The following AGK variants were observed in gnomAD, a reference collection of about 807,000 sequenced individuals.
AGK encodes the protein acylglycerol kinase, also known as acylglycerol kinase, mitochondrial.
In AGK, 52 loss-of-function variants were observed where a neutral mutation model predicts 66.4. That is an observed-to-expected ratio of 0.78 (90% CI 0.63 to 0.99). AGK has a LOEUF of 0.99. AGK is among the 50% of genes least tolerant of loss of function. The probability of loss-of-function intolerance (pLI) is 0.00; values close to 1 mark genes in which losing one functional copy is unlikely to be tolerated. For synonymous variants in AGK, 182 were observed against 181.1 expected (o/e 1.00, Z -0.04); for missense variants, 451 against 506.6 (o/e 0.89, Z 1.05).
chr7:141,633,162 G>C (rs1797094846), intron 9 of AGK, among the ~76,000 whole-genome samples: 1 of 152,162 alleles, frequency 6.6e-6, no homozygotes, highest in Non-Finnish European at 1.5e-5. Flanking sequence ...GGGGCACTGG[G>C]TGCCTGTCAG....
rs1212495150 is a variant in AGK at position 141,652,917 on chromosome 7, C to T, written c.1262C>T (p.Thr421Ile). Residue 421 changes from threonine (T) to isoleucine (I), a missense_variant, in exon 16 of 16, where the codon ACC (threonine) becomes ATC (isoleucine). Coordinates refer to ENST00000649286, the MANE Select transcript of AGK (RefSeq NM_018238.4). ...AGAGAACAGATGCTCACAAGCCCCA[C>T]CCAGTGAGCAGCAGAAGACAAGCAC... is the stretch of plus-strand genomic sequence containing the variant. ...RKREQMLTSP[T>I]Q The T allele has an allele frequency of 6.2e-7, 1 of 1,613,938 alleles. No homozygotes were observed. Among genetic ancestry groups the T allele is most frequent in the Admixed American group, 1.7e-5 (1 of 60,020 alleles).
At chr7:141,605,081 C>T (rs1221052866) in intron 5 of AGK, among the ~76,000 whole-genome samples, 1 of 151,894 alleles carries the variant, frequency 6.6e-6, no homozygotes. Context: ...TTTCTCAATG[C>T]ATAATATATG....
At chr7:141,647,003 GGTGACTTGGT>G (rs941987010) in intron 13 of AGK, among the ~76,000 whole-genome samples, 3 of 152,066 alleles carry the variant, frequency 2.0e-5, no homozygotes, top group Non-Finnish European at 4.4e-5. Flanking sequence ...TGCTGGGCCT[GGTGACTTGGT>G]GGTTGTCCTC....
chr7:141,567,839 T>G (rs934990930), intron 2 of AGK, among the ~76,000 whole-genome samples: 2 of 152,212 alleles, frequency 1.3e-5, no homozygotes, highest in African/African-American at 4.8e-5. Flanking sequence ...AGTATAAAAG[T>G]TGTCTCTGGA....
intron 14 of AGK, chr7:141,650,431 T>C: frequency 1.2e-6 from 1 of 865,194 alleles, no homozygotes; most frequent in Non-Finnish European, 1.4e-6. Context: ...TGTTCTGCAT[T>C]GTTAGCACCA....
intron 5 of AGK, among the ~76,000 whole-genome samples, chr7:141,603,761 G>A (rs1796390777): frequency 6.6e-6 from 1 of 152,184 alleles, no homozygotes; most frequent in Non-Finnish European, 1.5e-5. Flanking sequence ...ACGTCTCCAA[G>A]TTGATGCTGG....
chr7:141,602,172 CTTGTGTGTGT>C lies in AGK; in HGVS notation c.297+893_297+902del, dbSNP rs1292345864. Among the ~76,000 whole-genome samples the C allele has an allele frequency of 4.1e-5, 3 of 73,392 alleles. No homozygotes were observed. The Admixed American group carries it at 4.4e-4, about 11-fold the overall frequency. The allele number at this position is 73,392 out of a possible 152,430, so 48.1% of individuals were successfully genotyped here. On this transcript the variant is annotated intron_variant, in intron 5 of 15. Transcript: ENST00000649286. ...GGAGCTTTCCTTGAGGGGAGATTTT[CTTGTGTGTGT>C]GTGTGTGTGTGTGTGTGTGTGTGTG... is the stretch of plus-strand genomic sequence containing the variant.
intron 8 of AGK, among the ~76,000 whole-genome samples, chr7:141,620,668 G>A (rs1796804540): frequency 6.6e-6 from 1 of 152,208 alleles, no homozygotes; most frequent in South Asian, 2.1e-4. Context: ...AGCTCTGAGA[G>A]GAGTCCCAGT....
intron 5 of AGK, among the ~76,000 whole-genome samples, chr7:141,608,111 C>A (rs1796503102): frequency 6.6e-6 from 1 of 152,094 alleles, no homozygotes; most frequent in African/African-American, 2.4e-5. Flanking sequence ...CCCTATCCGT[C>A]CTTAAAGAGC....
At chr7:141,581,281 G>T (rs1432175516) in intron 2 of AGK, among the ~76,000 whole-genome samples, 1 of 151,848 alleles carries the variant, frequency 6.6e-6, no homozygotes, top group Non-Finnish European at 1.5e-5. Flanking sequence ...GGGATGAAGG[G>T]TGTAAAGGAA....
In AGK at chr7:141,602,173, TTG is replaced by T. The variant is rs71172608; in HGVS notation, c.297+931_297+932del. Among the ~76,000 whole-genome samples the T allele has an allele frequency of 9.2e-3, 1,150 of 125,238 alleles. 18 individuals are homozygous for T. Among genetic ancestry groups the T allele is most frequent in the East Asian group, 0.063 (241 of 3,838 alleles). 82.2% of individuals were successfully genotyped at this position (125,238 alleles called of 152,430 possible). ...GAGCTTTCCTTGAGGGGAGATTTTC[TTG>T]TGTGTGTGTGTGTGTGTGTGTGTGT... On this transcript the variant is annotated intron_variant, in intron 5 of 15. Transcript: ENST00000649286.
chr7:141,590,350 C>T (rs1796085392), intron 2 of AGK, among the ~76,000 whole-genome samples: 1 of 152,128 alleles, frequency 6.6e-6, no homozygotes, highest in Admixed American at 6.5e-5. Context: ...TTTACAGAAG[C>T]ATAGAGGGCT....
chr7:141,578,083 C>T (rs897645557), intron 2 of AGK, among the ~76,000 whole-genome samples: 6 of 152,072 alleles, frequency 3.9e-5, no homozygotes, highest in Admixed American at 6.6e-5. Flanking sequence ...CAGTATCACG[C>T]GCGTCCATGT....
chr7:141,638,770 A>C (rs925104738), intron 11 of AGK, among the ~76,000 whole-genome samples: 12 of 152,278 alleles, frequency 7.9e-5, no homozygotes, highest in Non-Finnish European at 1.2e-4. Flanking sequence ...ATACTAGAGT[A>C]AATCAAGTTT....
intron 13 of AGK, among the ~76,000 whole-genome samples, chr7:141,643,756 T>C (rs779269699): frequency 2.4e-4 from 36 of 152,264 alleles, no homozygotes; most frequent in Non-Finnish European, 4.0e-4. Flanking sequence ...GGTAGATATC[T>C]TTATCTGCAT....
chr7:141,575,267 G>A (rs1795709968), intron 2 of AGK, among the ~76,000 whole-genome samples: 1 of 152,204 alleles, frequency 6.6e-6, no homozygotes, highest in Non-Finnish European at 1.5e-5. Flanking sequence ...GGAGACTTCA[G>A]TTCTAGGCCT....
At chr7:141,642,004 C>T (rs1272743098) in intron 13 of AGK, 96 bp downstream of exon 13, 1 of 1,116,068 alleles carries the variant, frequency 9.0e-7, no homozygotes, top group Non-Finnish European at 1.3e-6. Context: ...TTTATTTTTA[C>T]CCTGTGGAGA....
intron 2 of AGK, among the ~76,000 whole-genome samples, chr7:141,590,682 C>T (rs914066077): frequency 1.1e-4 from 16 of 152,114 alleles, no homozygotes; most frequent in African/African-American, 3.6e-4. Context: ...GAGTTAGTGA[C>T]ATGTTAATTA....
intron 4 of AGK, among the ~76,000 whole-genome samples, chr7:141,600,998 A>G (rs1284481725): frequency 6.6e-6 from 1 of 152,144 alleles, no homozygotes; most frequent in Non-Finnish European, 1.5e-5. Context: ...ATAAACAGCA[A>G]ATTCTCAAAG....
Sources: gnomAD v4.1 joint callset for allele counts (sites outside exome capture counted in the v4.1 genomes callset) on GRCh38, gnomAD v4.1.1 for gene constraint, MANE v1.5 for transcripts, NCBI Gene and HGNC (gene_info 2026-07-23, HGNC 2026-07-21) for gene names.